SAMMSON: variants seen among roughly 807,000 people sequenced by gnomAD.
SAMMSON encodes the protein long intergenic non-protein coding RNA 1212.
At chr3:70,077,106 G>A (rs546568446) in intron 4 of SAMMSON, among the ~76,000 whole-genome samples, 42 of 152,142 alleles carry the variant, frequency 2.8e-4, no homozygotes, top group Non-Finnish European at 4.3e-4. Context: ...GTGAAAAACA[G>A]TTAAAATTAG....
chr3:70,417,515 T>A (rs1264857315), intron 2 of SAMMSON, among the ~76,000 whole-genome samples: 2 of 152,170 alleles, frequency 1.3e-5, no homozygotes, highest in African/African-American at 4.8e-5. Context: ...ATTGGCTCAA[T>A]TAAAAATGGA....
intron 3 of SAMMSON, among the ~76,000 whole-genome samples, chr3:70,029,120 A>T (rs184685699): frequency 6.6e-6 from 1 of 152,310 alleles, no homozygotes; most frequent in African/African-American, 2.4e-5. Flanking sequence ...ACAGCATGTG[A>T]TAGGAAGTAT....
intron 4 of SAMMSON, among the ~76,000 whole-genome samples, chr3:70,148,976 G>A (rs1559523462): frequency 6.6e-6 from 1 of 152,042 alleles, no homozygotes; most frequent in Non-Finnish European, 1.5e-5. Flanking sequence ...ATTATGGAAG[G>A]CGAGGAATAA....
intron 3 of SAMMSON, chr3:70,068,412 G>C (rs1412379233): frequency 6.6e-6 from 1 of 152,074 alleles, no homozygotes; most frequent in African/African-American, 2.4e-5. Context: ...CATTGAAAAT[G>C]ACATGATCTA....
chr3:70,427,242 ATCT>A (rs1251066815), intron 2 of SAMMSON, among the ~76,000 whole-genome samples: 1 of 152,168 alleles, frequency 6.6e-6, no homozygotes, highest in Non-Finnish European at 1.5e-5. Context: ...TTCAGAGTTG[ATCT>A]TCTAGGCATT....
intron 3 of SAMMSON, among the ~76,000 whole-genome samples, chr3:70,018,287 C>G (rs901543194): frequency 7.9e-5 from 12 of 152,140 alleles, no homozygotes; most frequent in Admixed American, 4.6e-4. Flanking sequence ...TTCAGAGATT[C>G]AGCTTCTTCC....
rs9873824 is a variant in SAMMSON, at chr3:70,128,317, A to T, written n.507+56752A>T. Among the ~76,000 whole-genome samples, 835 of 152,286 alleles carry T rather than the reference A, an allele frequency of 5.5e-3. 6 individuals are homozygous for T. Among genetic ancestry groups the T allele is most frequent in the African/African-American group, 0.019 (788 of 41,556 alleles). On this transcript the variant is annotated intron_variant and non_coding_transcript_variant, in intron 4 of 9. Transcript: ENST00000642114. ...TGCCAAGAATGTGTATATTACTGAT[A>T]AGTTCACCTTGACGGTCCCTGAATG... is the stretch of plus-strand genomic sequence containing the variant.
intron 6 of SAMMSON, among the ~76,000 whole-genome samples, chr3:70,284,124 G>A (rs1047760253): frequency 6.6e-6 from 1 of 151,980 alleles, no homozygotes; most frequent in African/African-American, 2.4e-5. Context: ...CTGTTACAAC[G>A]TTCTAGTTAA....
chr3:70,360,813 T>G (rs1396437385), intron 9 of SAMMSON, among the ~76,000 whole-genome samples: 1 of 152,172 alleles, frequency 6.6e-6, no homozygotes, highest in Non-Finnish European at 1.5e-5. Flanking sequence ...AATTATGCAT[T>G]TATATTTCAG....
intron 2 of SAMMSON, among the ~76,000 whole-genome samples, chr3:70,399,778 G>A (rs561746067): frequency 1.1e-4 from 16 of 151,368 alleles, no homozygotes; most frequent in Middle Eastern, 3.4e-3. Context: ...GGGAGGCAGC[G>A]GCAGGAGAAT....
intron 7 of SAMMSON, among the ~76,000 whole-genome samples, chr3:70,293,168 T>C (rs2106695023): frequency 6.6e-6 from 1 of 150,894 alleles, no homozygotes; most frequent in South Asian, 2.1e-4. Context: ...TCAGCTCCCA[T>C]CAGTCCAATT....
intron 4 of SAMMSON, among the ~76,000 whole-genome samples, chr3:70,135,377 C>G (rs1210655407): frequency 6.6e-6 from 1 of 152,078 alleles, no homozygotes; most frequent in East Asian, 1.9e-4. Flanking sequence ...TTCACCTATT[C>G]ACAATTAGCT....
chr3:70,010,568 G>C (rs990236524), intron 1 of SAMMSON, among the ~76,000 whole-genome samples: 4 of 152,102 alleles, frequency 2.6e-5, no homozygotes, highest in African/African-American at 9.7e-5. Context: ...TAGGGTTCCT[G>C]TTAAAACCCC....
chr3:70,302,819 A>T (rs1445002034), intron 7 of SAMMSON: 1 of 152,170 alleles, frequency 6.6e-6, no homozygotes, highest in Non-Finnish European at 1.5e-5. Flanking sequence ...GAAGCCTGAC[A>T]TGGCATCTTG....
At position 70,255,777 on chromosome 3, in the gene SAMMSON, C is replaced by T. The variant is rs527942984; in HGVS notation, n.674+6107C>T. ...CAGCCAGGGGGCTATTTTTCAACTG[C>T]AGCTTATGTGCCCTCTGAACATTAG... On this transcript the variant is annotated intron_variant and non_coding_transcript_variant, in intron 6 of 9. Coordinates refer to ENST00000642114, the Ensembl canonical transcript of SAMMSON. Among the ~76,000 whole-genome samples, 30 of 152,286 alleles carry T rather than the reference C, an allele frequency of 2.0e-4. 2 individuals carry two copies. In the South Asian group the frequency reaches 6.2e-3, roughly 32 times the overall value.
At chr3:70,110,468 G>A (rs1269428575) in intron 4 of SAMMSON, among the ~76,000 whole-genome samples, 1 of 152,148 alleles carries the variant, frequency 6.6e-6, no homozygotes, top group Non-Finnish European at 1.5e-5. Flanking sequence ...GTGGAAATCA[G>A]TGTAGAAATA....
chr3:70,199,893 G>A (rs774449642), intron 4 of SAMMSON, among the ~76,000 whole-genome samples: 1 of 152,076 alleles, frequency 6.6e-6, no homozygotes, highest in African/African-American at 2.4e-5. Flanking sequence ...CTTCTGCAAC[G>A]TCTTCAAAAC....
intron 7 of SAMMSON, among the ~76,000 whole-genome samples, chr3:70,350,813 C>G (rs1702789013): frequency 6.6e-6 from 1 of 151,974 alleles, no homozygotes; most frequent in Admixed American, 6.6e-5. Flanking sequence ...TGTGGACGGC[C>G]TAATTTAGAC....
chr3:70,399,361 A>G (rs1447429795), intron 2 of SAMMSON, among the ~76,000 whole-genome samples: 2 of 152,186 alleles, frequency 1.3e-5, no homozygotes, highest in Non-Finnish European at 2.9e-5. Context: ...CAAAAGTATG[A>G]AATTCATTGG....
Sources: gnomAD v4.1 joint callset for allele counts (sites outside exome capture counted in the v4.1 genomes callset) on GRCh38, gnomAD v4.1.1 for gene constraint, MANE v1.5 for transcripts, NCBI Gene and HGNC (gene_info 2026-07-23, HGNC 2026-07-21) for gene names.